Variants in NACC2 observed in about 807,000 individuals in gnomAD.
The protein encoded by NACC2 is NACC family member 2.
In NACC2, 8 loss-of-function variants were observed where a neutral mutation model predicts 25.1. That is an observed-to-expected ratio of 0.32 (90% CI 0.19 to 0.57). The LOEUF is 0.57. Ranked by LOEUF, NACC2 falls within the 20% of genes least tolerant of loss-of-function variation. NACC2 has a pLI of 0.89. For missense variants in NACC2, 644 were observed against 650.2 expected, an observed-to-expected ratio of 0.99 and a Z score of 0.10; for synonymous variants, 435 against 294.7, an observed-to-expected ratio of 1.48 and a Z score of -4.88.
intron 2 of NACC2, 71 bp downstream of exon 2, chr9:136,049,565 T>C: frequency 2.8e-6 from 2 of 702,160 alleles, no homozygotes; most frequent in Non-Finnish European, 5.3e-6. Flanking sequence ...AGTGGCCTCC[T>C]GAGCCACCCG....
At position 136,084,726 on chromosome 9, in the gene NACC2, C is replaced by T. The variant is rs986503921; in HGVS notation, c.-60+10463G>A. Among the ~76,000 whole-genome samples the T allele has an allele frequency of 8.5e-5, 13 of 152,236 alleles. No individual in the cohort carries two copies. Among genetic ancestry groups the T allele is most frequent in the South Asian group, 6.2e-4 (3 of 4,838 alleles). On this transcript the variant is annotated intron_variant, in intron 1 of 5. Coordinates refer to ENST00000277554, the MANE Select transcript of NACC2 (RefSeq NM_144653.5). This position sits in a 1 kb window ranked among gnomAD's most constrained non-coding sequence, Gnocchi z 5.1. ...GACAGTCAAAGGAAATGGCGGCGGGCGCACACACACACATACATCACGCAG... is the reference window on the plus strand; with the variant it reads ...GACAGTCAAAGGAAATGGCGGCGGGTGCACACACACACATACATCACGCAG...
At chr9:136,033,181 T>C (rs1840498418) in intron 2 of NACC2, among the ~76,000 whole-genome samples, 1 of 150,270 alleles carries the variant, frequency 6.7e-6, no homozygotes, top group Non-Finnish European at 1.5e-5. Flanking sequence ...GTCTCAAAAA[T>C]AAAATAAAAT....
At chr9:136,056,070 C>T (rs945085658) in intron 1 of NACC2, among the ~76,000 whole-genome samples, 3 of 151,986 alleles carry the variant, frequency 2.0e-5, no homozygotes, top group African/African-American at 7.2e-5. Context: ...TGACCCTATA[C>T]CTTCAGAAAA....
rs1167619420 is a variant in NACC2 at position 136,051,189 on chromosome 9, T to C, written c.-59-609A>G. ...CGGGCAGGTAGGGAATGGCTGGGGG[T>C]GCCGGGAAGTCCGCTGAAGCCGCGT... is the stretch of plus-strand genomic sequence containing the variant. On this transcript the variant is annotated intron_variant, in intron 1 of 5. Coordinates refer to ENST00000277554, the MANE Select transcript of NACC2 (RefSeq NM_144653.5). Among the ~76,000 whole-genome samples, 6 of 151,876 alleles carry C rather than the reference T, an allele frequency of 4.0e-5. No homozygotes were observed. The East Asian group carries it at 1.2e-3, about 30-fold the overall frequency.
intron 2 of NACC2, among the ~76,000 whole-genome samples, chr9:136,045,970 C>A (rs1410345759): frequency 6.6e-6 from 1 of 152,160 alleles, no homozygotes; most frequent in Non-Finnish European, 1.5e-5. Flanking sequence ...GGTGTCCCTG[C>A]TGGACGTTCA....
At chr9:136,016,244 A>G (rs767104682) in intron 3 of NACC2, 21 bp downstream of exon 3, 9 of 1,612,112 alleles carry the variant, frequency 5.6e-6, no homozygotes, top group Admixed American at 1.7e-5. Context: ...CATACAATAG[A>G]TGGGTGGGAG....
intron 1 of NACC2, among the ~76,000 whole-genome samples, chr9:136,052,873 T>C (rs1840868160): frequency 2.0e-5 from 3 of 152,190 alleles, no homozygotes; most frequent in Non-Finnish European, 2.9e-5. Flanking sequence ...GTGCAGGACT[T>C]GTGGTGGCCC....
At chr9:136,046,539 G>A (rs1840728197) in intron 2 of NACC2, among the ~76,000 whole-genome samples, 1 of 152,214 alleles carries the variant, frequency 6.6e-6, no homozygotes, top group Non-Finnish European at 1.5e-5. Context: ...GGGAAGCACT[G>A]AGCGTCCCGA....
chr9:136,060,288 G>A (rs998434617), intron 1 of NACC2, among the ~76,000 whole-genome samples: 4 of 152,228 alleles, frequency 2.6e-5, no homozygotes, highest in Non-Finnish European at 4.4e-5. Flanking sequence ...GAAAAACGGC[G>A]GAAGGTGGGG....
intron 1 of NACC2, among the ~76,000 whole-genome samples, chr9:136,090,885 A>G (rs998880906): frequency 1.3e-5 from 2 of 151,708 alleles, no homozygotes; most frequent in South Asian, 2.1e-4. Flanking sequence ...CGTTCACCCC[A>G]GTGACTATAT....
chr9:136,094,824 G>A (rs1169723062), intron 1 of NACC2, among the ~76,000 whole-genome samples: 1 of 151,832 alleles, frequency 6.6e-6, no homozygotes, highest in Non-Finnish European at 1.5e-5. Context: ...CCCTGGGGAG[G>A]CCGCGCGGGT....
intron 2 of NACC2, among the ~76,000 whole-genome samples, chr9:136,045,233 C>T (rs1348595906): frequency 6.6e-6 from 1 of 151,796 alleles, no homozygotes; most frequent in East Asian, 1.9e-4. Flanking sequence ...ACCGGGTGGA[C>T]CCCAGAGAGG....
chr9:136,054,356 G>T (rs1313722117), intron 1 of NACC2, among the ~76,000 whole-genome samples: 1 of 152,238 alleles, frequency 6.6e-6, no homozygotes, highest in Non-Finnish European at 1.5e-5. Context: ...GCTTTTGCTG[G>T]CTTGTCCTCA....
intron 1 of NACC2, among the ~76,000 whole-genome samples, chr9:136,074,627 C>A: frequency 6.6e-6 from 1 of 151,690 alleles, no homozygotes; most frequent in Non-Finnish European, 1.5e-5. Context: ...AGCAAGGCTG[C>A]CTGCCTTCCT....
intron 5 of NACC2, among the ~76,000 whole-genome samples, chr9:136,012,752 G>C (rs750108386): frequency 1.2e-4 from 18 of 151,356 alleles, no homozygotes; most frequent in South Asian, 4.1e-4. Context: ...CACCTGGTGC[G>C]AGCCGGCAGC....
chr9:136,061,443 A>G (rs908945156), intron 1 of NACC2, among the ~76,000 whole-genome samples: 3 of 152,058 alleles, frequency 2.0e-5, no homozygotes, highest in Non-Finnish European at 4.4e-5. Context: ...CTGCCCCCTC[A>G]CCCAGGAACC....
At chr9:136,087,612 C>T (rs1247909306) in intron 1 of NACC2, among the ~76,000 whole-genome samples, 1 of 152,220 alleles carries the variant, frequency 6.6e-6, no homozygotes, top group Non-Finnish European at 1.5e-5. Flanking sequence ...CTAGACCTTC[C>T]TGGTGACCAG....
intron 2 of NACC2, among the ~76,000 whole-genome samples, chr9:136,039,922 T>C (rs1311892369): frequency 1.3e-5 from 2 of 151,928 alleles, no homozygotes; most frequent in Non-Finnish European, 2.9e-5. Context: ...CAAACTGCAG[T>C]AAAACTGTCT....
At chr9:136,016,243 G>C in intron 3 of NACC2, 22 bp downstream of exon 3, 1 of 1,612,048 alleles carries the variant, frequency 6.2e-7, no homozygotes, top group East Asian at 2.2e-5. Flanking sequence ...GCATACAATA[G>C]ATGGGTGGGA....
Sources: allele counts gnomAD v4.1 joint callset (sites outside exome capture counted in the v4.1 genomes callset), GRCh38; gene constraint gnomAD v4.1.1; non-coding constraint Gnocchi (gnomAD v3.1); transcripts MANE v1.5; gene names NCBI Gene and HGNC (gene_info 2026-07-23, HGNC 2026-07-21).